The following PRSS23 variants were observed in gnomAD, a reference collection of about 807,000 sequenced individuals.
PRSS23 encodes serine protease 23.
In PRSS23, 25 loss-of-function variants were observed where a neutral mutation model predicts 34.7. That is an observed-to-expected ratio of 0.72 (90% CI 0.53 to 1.01). The LOEUF is 1.01. Ranked by LOEUF, PRSS23 falls within the 50% of genes least tolerant of loss-of-function variation. The pLI, the probability that PRSS23 is intolerant of heterozygous loss-of-function variation, is 0.00. For synonymous variants in PRSS23, 176 were observed against 186.6 expected (o/e 0.94, Z 0.46); for missense variants, 445 against 475.6 (o/e 0.94, Z 0.60).
At chr11:86,821,540 G>A (rs1948251806) in intron 1 of PRSS23, 12 of 1,610,948 alleles carry the variant, frequency 7.4e-6, no homozygotes, top group South Asian at 5.5e-5. Flanking sequence ...TTGAGTGCAA[G>A]TATCTGGATG....
At chr11:86,914,828 A>G (rs1949001672) in intron 2 of PRSS23, among the ~76,000 whole-genome samples, 1 of 152,246 alleles carries the variant, frequency 6.6e-6, no homozygotes, top group African/African-American at 2.4e-5. Context: ...TTTAAGCCTT[A>G]TACATTTTTT....
intron 2 of PRSS23, among the ~76,000 whole-genome samples, chr11:86,847,654 C>T (rs1176389544): frequency 6.6e-6 from 1 of 152,150 alleles, no homozygotes; most frequent in African/African-American, 2.4e-5. Flanking sequence ...TCCTGAATAA[C>T]TGGGACAAAT....
At chr11:86,812,456 C>T (rs1590874631), downstream of PRSS23, among the ~76,000 whole-genome samples, 2 of 152,140 alleles carry the variant, frequency 1.3e-5, no homozygotes. Context: ...CTGGGGTTCC[C>T]CCCGGAGGAG....
intron 2 of PRSS23, among the ~76,000 whole-genome samples, chr11:86,917,250 C>T (rs189079238): frequency 5.3e-5 from 8 of 152,250 alleles, no homozygotes; most frequent in East Asian, 1.9e-4. Flanking sequence ...ACCCGGGAGA[C>T]GGAGGGTGCA....
At chr11:86,914,781 A>G (rs1312761737) in intron 2 of PRSS23, among the ~76,000 whole-genome samples, 1 of 152,226 alleles carries the variant, frequency 6.6e-6, no homozygotes, top group South Asian at 2.1e-4. Context: ...AGTGGGTGTC[A>G]ATTAAACTGT....
chr11:86,928,701 A>T (rs1326246019), intron 2 of PRSS23, among the ~76,000 whole-genome samples: 14,367 of 47,750 alleles, frequency 0.3, 2,983 homozygotes, highest in Non-Finnish European at 0.4. Flanking sequence ...AAAAAAAAAA[A>T]AAAAATTGGC....
At chr11:86,885,509 A>T (rs1238643966) in intron 2 of PRSS23, among the ~76,000 whole-genome samples, 1 of 152,232 alleles carries the variant, frequency 6.6e-6, no homozygotes, top group Non-Finnish European at 1.5e-5. Flanking sequence ...GTGGACTGTG[A>T]GTAAACGGAT....
chr11:86,842,937 A>G (rs1395542906), intron 2 of PRSS23, among the ~76,000 whole-genome samples: 1 of 152,194 alleles, frequency 6.6e-6, no homozygotes, highest in African/African-American at 2.4e-5. Flanking sequence ...TTTCATATGG[A>G]ACCAAAAAAG....
intron 2 of PRSS23, among the ~76,000 whole-genome samples, chr11:86,829,033 T>C (rs1285487846): frequency 6.6e-6 from 1 of 152,190 alleles, no homozygotes; most frequent in Non-Finnish European, 1.5e-5. Context: ...TGAATCTGAA[T>C]GTTGGCCTGC....
chr11:86,799,688 C>T (rs1444259609), upstream of PRSS23, among the ~76,000 whole-genome samples: 1 of 152,116 alleles, frequency 6.6e-6, no homozygotes, highest in Non-Finnish European at 1.5e-5. Flanking sequence ...CCCGCACACC[C>T]CCCTACCCTG....
chr11:86,823,744 C>T (rs1364063237), intron 2 of PRSS23, among the ~76,000 whole-genome samples: 4 of 152,090 alleles, frequency 2.6e-5, no homozygotes, highest in African/African-American at 9.7e-5. Context: ...CGGTGGCTCA[C>T]GCCTGTAATC....
Position 86,857,056 on chromosome 11 carries a change from T to C in PRSS23, c.206+33463T>C, listed in dbSNP as rs139191666. 1.4e-3 allele frequency: 243 copies of C among 175,740 alleles called. 1 individual carries two copies. The highest frequency in any genetic ancestry group is 5.2e-3 in the African/African-American group (217 of 41,874). 10.9% of individuals were successfully genotyped at this position (175,740 alleles called of 1,614,324 possible). Reference sequence around the variant, plus strand: ...TTTCTTACTCACACAAGAGAAAGGATGGAACAGATCATGAGATTTGACTGT... The same window carrying C: ...TTTCTTACTCACACAAGAGAAAGGACGGAACAGATCATGAGATTTGACTGT... On this transcript the variant is annotated intron_variant, in intron 2 of 2. Coordinates refer to the PRSS23 transcript ENST00000533902.
chr11:86,900,463 G>A (rs548084075), intron 2 of PRSS23, among the ~76,000 whole-genome samples: 1 of 152,278 alleles, frequency 6.6e-6, no homozygotes, highest in East Asian at 1.9e-4. Flanking sequence ...TGTAATGTAA[G>A]CAGATCATAC....
intron 2 of PRSS23, chr11:86,934,613 G>A (rs1949149014): frequency 6.6e-6 from 1 of 152,180 alleles, no homozygotes; most frequent in South Asian, 2.1e-4. Context: ...TTATTGTTTG[G>A]ATTGTTTTGC....
At chr11:86,894,513 G>A (rs1948862196) in intron 2 of PRSS23, among the ~76,000 whole-genome samples, 4 of 152,118 alleles carry the variant, frequency 2.6e-5, no homozygotes, top group African/African-American at 7.2e-5. Flanking sequence ...ATAATCACAT[G>A]AGAGTAAGTA....
chr11:86,945,108 G>C (rs912602197), intron 2 of PRSS23, among the ~76,000 whole-genome samples: 17 of 151,684 alleles, frequency 1.1e-4, no homozygotes, highest in African/African-American at 4.1e-4. Context: ...TGGGGACACA[G>C]ACCATCCAAT....
downstream of PRSS23, among the ~76,000 whole-genome samples, chr11:86,813,831 A>G (rs1948196929): frequency 6.6e-6 from 1 of 152,228 alleles, no homozygotes; most frequent in Non-Finnish European, 1.5e-5. Context: ...TGGATGCTAA[A>G]TGGAGAATGG....
At chr11:86,948,603 CAA>C (rs1430348902) in intron 2 of PRSS23, 2 of 152,182 alleles carry the variant, frequency 1.3e-5, no homozygotes, top group African/African-American at 4.8e-5. Context: ...CCTGAAAAGG[CAA>C]GAGATTTGTG....
At chr11:86,813,666 G>T (rs1229218956), downstream of PRSS23, among the ~76,000 whole-genome samples, 1 of 146,778 alleles carries the variant, frequency 6.8e-6, no homozygotes, top group Non-Finnish European at 1.5e-5. Flanking sequence ...AATAAAATGT[G>T]TTAATATAAT....
Sources: allele counts gnomAD v4.1 joint callset (sites outside exome capture counted in the v4.1 genomes callset), GRCh38; gene constraint gnomAD v4.1.1; transcripts MANE v1.5; gene names NCBI Gene and HGNC (gene_info 2026-07-23, HGNC 2026-07-21).